The following PTPRO variants were observed in gnomAD, a reference collection of about 807,000 sequenced individuals.
PTPRO encodes the protein receptor-type tyrosine-protein phosphatase O.
In PTPRO, 62 loss-of-function variants were observed where a neutral mutation model predicts 145.2. The observed-to-expected ratio is 0.43, with a 90% confidence interval of 0.35 to 0.53. The LOEUF (loss-of-function observed/expected upper bound fraction) is 0.53. PTPRO is among the 20% of genes least tolerant of loss of function. PTPRO has a pLI of 0.01. For missense variants in PTPRO, 1,345 were observed against 1,482.7 expected (o/e 0.91, Z 1.53); for synonymous variants, 565 against 514.7 (o/e 1.10, Z -1.32).
intron 1 of PTPRO, among the ~76,000 whole-genome samples, chr12:15,462,750 C>T (rs1038208396): frequency 6.6e-6 from 1 of 152,052 alleles, no homozygotes; most frequent in Non-Finnish European, 1.5e-5. Context: ...AAATTCCTGG[C>T]ATATATTATT....
chr12:15,377,078 C>G (rs1938711208), intron 1 of PTPRO, among the ~76,000 whole-genome samples: 1 of 152,096 alleles, frequency 6.6e-6, no homozygotes, highest in African/African-American at 2.4e-5. Context: ...GAGAGTAGAG[C>G]TATACTGGAG....
At position 15,523,628 on chromosome 12, in the gene PTPRO, A is replaced by G. The variant is rs80198872; in HGVS notation, c.1892-1186A>G. ...TGTCTCTACAAAAAATATAAAAATT[A>G]GCTGGATATGAAGGCCTGTACCTGT... On this transcript the variant is annotated intron_variant, in intron 10 of 26. Transcript: ENST00000281171. 1.3e-3 allele frequency among the ~76,000 whole-genome samples: 203 copies of G among 152,198 alleles called. 2 individuals carry two copies. In the East Asian group the frequency reaches 0.037, roughly 28 times the overall value.
Position 15,557,520 on chromosome 12 carries a change from A to C in PTPRO, c.2624A>C (p.Asn875Thr). ...SLERDGKLPY[N>T]WRRSIFAFLT... Reference sequence around the variant, plus strand: ...GAGAGGGATGGAAAGCTTCCATACAACTGGTGAGTATTGTTTTGGAACAAG... The same window carrying C: ...GAGAGGGATGGAAAGCTTCCATACACCTGGTGAGTATTGTTTTGGAACAAG... The change falls in exon 16 of 27, where the codon AAC becomes ACC. Residue 875 changes from asparagine (N) to threonine (T), a missense_variant. Around this residue, in one of 3 missense-constraint regions of PTPRO, gnomAD observed 1,130 missense variants for 1,214.7 expected, o/e 0.93. Transcript: ENST00000281171. 6.2e-7 allele frequency: 1 copy of C among 1,613,032 alleles called. No individual in the cohort carries two copies. Among genetic ancestry groups the C allele is most frequent in the Non-Finnish European group, 8.5e-7 (1 of 1,179,014 alleles).
intron 12 of PTPRO, among the ~76,000 whole-genome samples, chr12:15,543,226 G>A (rs1203461418): frequency 6.6e-6 from 1 of 152,176 alleles, no homozygotes; most frequent in Non-Finnish European, 1.5e-5. Flanking sequence ...GATCACAGGT[G>A]CAGGGACCTT....
chr12:15,352,136 C>T (rs1036383253), intron 1 of PTPRO, among the ~76,000 whole-genome samples: 7 of 152,152 alleles, frequency 4.6e-5, no homozygotes, highest in Non-Finnish European at 8.8e-5. Context: ...ATGGAGTCTG[C>T]GCCCAGCATG....
At chr12:15,419,209 G>A (rs1484976122) in intron 1 of PTPRO, among the ~76,000 whole-genome samples, 5 of 136,402 alleles carry the variant, frequency 3.7e-5, no homozygotes, top group East Asian at 2.2e-4. Context: ...CATTTGTGCC[G>A]ACAAGTCCAT....
At chr12:15,510,610 C>T (rs1413609241) in intron 7 of PTPRO, among the ~76,000 whole-genome samples, 1 of 152,072 alleles carries the variant, frequency 6.6e-6, no homozygotes, top group Non-Finnish European at 1.5e-5. Flanking sequence ...GAAAACAGAA[C>T]ATGAAATGTC....
chr12:15,503,973 C>T lies in PTPRO; in HGVS notation c.1171C>T (p.Pro391Ser). 1.9e-6 allele frequency: 3 copies of T among 1,602,596 alleles called. No homozygotes were observed. Among genetic ancestry groups the T allele is most frequent in the African/African-American group, 1.3e-5 (1 of 74,728 alleles). ...AHEFVAELKE[P>S]GKYKLSVTTF... ...TGAATTTGTTGCAGAACTGAAGGAA[C>T]CTGGGAAATATAAGTTATCTGTGAC... The change falls in exon 6 of 27, where the codon CCT (proline) becomes TCT (serine). Residue 391 changes from proline (P) to serine (S), a missense_variant. Pro to Ser is a moderately conservative substitution (Grantham distance 74). Coordinates refer to ENST00000281171, the MANE Select transcript of PTPRO (RefSeq NM_030667.3).
At chr12:15,471,128 G>A (rs1941530030) in intron 1 of PTPRO, among the ~76,000 whole-genome samples, 1 of 152,144 alleles carries the variant, frequency 6.6e-6, no homozygotes, top group African/African-American at 2.4e-5. Flanking sequence ...CATAAAGAAT[G>A]TATCTATTGG....
At chr12:15,463,003 A>T (rs1226666356) in intron 1 of PTPRO, among the ~76,000 whole-genome samples, 2 of 152,160 alleles carry the variant, frequency 1.3e-5, no homozygotes, top group Non-Finnish European at 2.9e-5. Context: ...ATAACTCATC[A>T]TATTATTATA....
intron 1 of PTPRO, among the ~76,000 whole-genome samples, chr12:15,327,287 C>T (rs1866471967): frequency 6.6e-6 from 1 of 152,040 alleles, no homozygotes; most frequent in South Asian, 2.1e-4. Context: ...TTAATGTTAC[C>T]TCACCTCTGT....
In PTPRO at chr12:15,322,902, T is replaced by C. The variant is rs1444083777; in HGVS notation, c.75+101T>C. The C allele has an allele frequency of 5.9e-5, 72 of 1,218,130 alleles. No individual in the cohort carries two copies. The Admixed American group carries it at 9.8e-4, about 17-fold the overall frequency. 75.5% of individuals were successfully genotyped at this position (1,218,130 alleles called of 1,614,324 possible). A position where few individuals can be genotyped will look rare whatever the true frequency, so the allele number is the denominator to read the frequency against. On this transcript the variant is annotated intron_variant, in intron 1 of 26. Transcript: ENST00000281171. This position sits in a 1 kb window ranked among gnomAD's most constrained non-coding sequence, Gnocchi z 6.3. ...GGGAGCGGCGCGCCCCAGGGCACGATGGCCCAGCCGCGGGAAGCGCCTGCC... is the reference window on the plus strand; with the variant it reads ...GGGAGCGGCGCGCCCCAGGGCACGACGGCCCAGCCGCGGGAAGCGCCTGCC...
chr12:15,515,364 C>A, intron 7 of PTPRO, 134 bp from the exon 8 acceptor site: 1 of 1,167,096 alleles, frequency 8.6e-7, no homozygotes, highest in Non-Finnish European at 1.2e-6. Flanking sequence ...TGGAATCTGA[C>A]AGCTTCAGTA....
intron 19 of PTPRO, among the ~76,000 whole-genome samples, chr12:15,578,439 T>G (rs1184607112): frequency 6.6e-6 from 1 of 152,238 alleles, no homozygotes; most frequent in African/African-American, 2.4e-5. Flanking sequence ...TAATGCTGTA[T>G]AAGAAACAAC....
At chr12:15,419,650 TG>T (rs1470317358) in intron 1 of PTPRO, among the ~76,000 whole-genome samples, 2 of 151,604 alleles carry the variant, frequency 1.3e-5, no homozygotes, top group Non-Finnish European at 2.9e-5. Context: ...ATTTACTTGT[TG>T]ATGCCCTTCG....
chr12:15,522,978 T>C (rs950741633), intron 10 of PTPRO, among the ~76,000 whole-genome samples: 2 of 152,226 alleles, frequency 1.3e-5, no homozygotes, highest in Admixed American at 6.5e-5. Flanking sequence ...TGTTGGAATA[T>C]ATTAGGAGGC....
chr12:15,399,298 T>C (rs779466441), intron 1 of PTPRO, among the ~76,000 whole-genome samples: 2 of 152,246 alleles, frequency 1.3e-5, no homozygotes, highest in Non-Finnish European at 2.9e-5. Context: ...TATGTAGTTC[T>C]CACAAAAACC....
At chr12:15,434,480 A>C (rs1448778358) in intron 1 of PTPRO, among the ~76,000 whole-genome samples, 1 of 152,208 alleles carries the variant, frequency 6.6e-6, no homozygotes, top group Non-Finnish European at 1.5e-5. Context: ...TTTCCTGGAA[A>C]AGGGGAAAAT....
intron 23 of PTPRO, among the ~76,000 whole-genome samples, chr12:15,585,457 AT>A (rs1944411541): frequency 6.6e-6 from 1 of 152,208 alleles, no homozygotes; most frequent in Non-Finnish European, 1.5e-5. Context: ...GAGGCACTGC[AT>A]GCTGCTGGGG....
Sources: allele counts gnomAD v4.1 joint callset (sites outside exome capture counted in the v4.1 genomes callset), GRCh38; gene constraint gnomAD v4.1.1; regional missense constraint gnomAD v4.1.1; non-coding constraint Gnocchi (gnomAD v3.1); transcripts MANE v1.5; gene names NCBI Gene and HGNC (gene_info 2026-07-23, HGNC 2026-07-21).